Variants in PRKAG2 observed in about 807,000 individuals in gnomAD.
PRKAG2 encodes protein kinase AMP-activated non-catalytic subunit gamma 2, also known as 5'-AMP-activated protein kinase subunit gamma-2.
PRKAG2 carries 26 observed loss-of-function variants against 69.6 expected under a neutral mutation model. That is an observed-to-expected ratio of 0.37 (90% confidence interval 0.27 to 0.52). PRKAG2 has a LOEUF of 0.52. PRKAG2 is among the 20% of genes least tolerant of loss of function. The probability of loss-of-function intolerance (pLI) is 0.90; values close to 1 mark genes in which losing one functional copy is unlikely to be tolerated. For synonymous variants in PRKAG2, 293 were observed against 285.0 expected (o/e 1.03, Z -0.28); for missense variants, 557 against 740.0 (o/e 0.75, Z 2.87).
Position 151,707,903 on chromosome 7 carries a change from G to C in PRKAG2, c.467-32266C>G, listed in dbSNP as rs1838898136. On this transcript the variant is annotated intron_variant, in intron 3 of 15. Coordinates refer to ENST00000287878, the MANE Select transcript of PRKAG2 (RefSeq NM_016203.4). The stretch of plus-strand genomic sequence containing the variant: ...CCAGCACCGGCCCCAAGGCAGGAAA[G>C]CCCAATAGCGAACATGGTGGACATC... Among the ~76,000 whole-genome samples, 3 of 152,342 alleles carry C rather than the reference G, an allele frequency of 2.0e-5. No homozygotes were observed. In the South Asian group the frequency reaches 6.2e-4, roughly 32 times the overall value.
At chr7:151,784,056 C>T (rs7782702) in intron 2 of PRKAG2, among the ~76,000 whole-genome samples, 23,295 of 151,632 alleles carry the variant, frequency 0.15, 5,031 homozygotes, top group African/African-American at 0.49. Context: ...CACAAGGTGA[C>T]ATAAGCTGGT....
Position 151,556,334 on chromosome 7 carries a change from ACAT to A in PRKAG2, c.*864_*866del, listed in dbSNP as rs1229035462. 2 of 152,594 alleles carry A rather than the reference ACAT, an allele frequency of 1.3e-5. No individual in the cohort carries two copies. Among genetic ancestry groups the A allele is most frequent in the African/African-American group, 2.4e-5 (1 of 41,446 alleles). The allele number at this position is 152,594 out of a possible 1,614,324, so 9.5% of individuals were successfully genotyped here. ...ACAATCGCATCAGCAGTCATAACAA[ACAT>A]CATGATTTTACATTTCAATACACAA... On this transcript the variant is annotated 3_prime_UTR_variant, in exon 16 of 16. Transcript: ENST00000287878.
chr7:151,824,989 G>A (rs1302027666), intron 1 of PRKAG2, among the ~76,000 whole-genome samples: 1 of 152,180 alleles, frequency 6.6e-6, no homozygotes, highest in Non-Finnish European at 1.5e-5. Context: ...TGAGGCGGGC[G>A]GATCACGAGG....
At chr7:151,625,273 T>C (rs963806108) in intron 5 of PRKAG2, among the ~76,000 whole-genome samples, 1 of 151,982 alleles carries the variant, frequency 6.6e-6, no homozygotes, top group Non-Finnish European at 1.5e-5. Context: ...GAGGAAGGAA[T>C]GATTCAAGGA....
intron 5 of PRKAG2, among the ~76,000 whole-genome samples, chr7:151,612,767 T>C (rs1217462259): frequency 6.6e-6 from 1 of 152,206 alleles, no homozygotes; most frequent in East Asian, 1.9e-4. Context: ...CACAGGTGCA[T>C]GGGGAACCCC....
intron 4 of PRKAG2, among the ~76,000 whole-genome samples, chr7:151,640,823 C>G (rs370813672): frequency 6.6e-6 from 1 of 152,286 alleles, no homozygotes; most frequent in South Asian, 2.1e-4. Context: ...CTGAAGGGAA[C>G]GAATGACTCA....
intron 4 of PRKAG2, among the ~76,000 whole-genome samples, chr7:151,642,047 A>T (rs1273596035): frequency 8.0e-5 from 12 of 150,418 alleles, no homozygotes; most frequent in African/African-American, 2.7e-4. Context: ...AAAAAAAAAA[A>T]AAAAGGGGCC....
intron 1 of PRKAG2, among the ~76,000 whole-genome samples, chr7:151,839,155 C>G (rs1181551620): frequency 6.6e-6 from 1 of 152,214 alleles, no homozygotes. Context: ...CTCAGCCCCA[C>G]CCCAACCAGG....
chr7:151,741,388 C>G (rs999703251), intron 3 of PRKAG2, among the ~76,000 whole-genome samples: 1 of 151,442 alleles, frequency 6.6e-6, no homozygotes, highest in Non-Finnish European at 1.5e-5. Flanking sequence ...ACAGAAAGAA[C>G]ATTTCAAGGC....
intron 6 of PRKAG2, among the ~76,000 whole-genome samples, chr7:151,576,860 C>T (rs191551402): frequency 1.1e-4 from 16 of 152,140 alleles, no homozygotes; most frequent in South Asian, 6.2e-4. Flanking sequence ...TAATAAGTTT[C>T]GTAAGTTTGA....
intron 3 of PRKAG2, among the ~76,000 whole-genome samples, chr7:151,731,485 G>A (rs568323780): frequency 1.4e-4 from 22 of 152,270 alleles, no homozygotes; most frequent in African/African-American, 4.6e-4. Context: ...GATTCCGGGG[G>A]CTGCAGGGCC....
Position 151,777,982 on chromosome 7 carries a change from A to G in PRKAG2, c.466+3170T>C, listed in dbSNP as rs2076471310. ...AACTTCCCCAGTTGCTCCTGTAGAT[A>G]GTATCACTATTTAACACCTAAGATT... is the stretch of plus-strand genomic sequence containing the variant. On this transcript the variant is annotated intron_variant, in intron 3 of 15. Transcript: ENST00000287878. This position sits in a 1 kb window ranked among gnomAD's most constrained non-coding sequence, Gnocchi z 4.3. 6.6e-6 allele frequency among the ~76,000 whole-genome samples: 1 copy of G among 152,128 alleles called. No homozygotes were observed. The highest frequency in any genetic ancestry group is 1.5e-5 in the Non-Finnish European group (1 of 68,026).
Position 151,632,540 on chromosome 7 carries a change from C to A in PRKAG2, c.685-402G>T. The stretch of plus-strand genomic sequence containing the variant: ...CCGCCATTGGGAGAGGCCCGCGGCC[C>A]GCCCCCACTCCGCCCCCCGGCGCCG... On this transcript the variant is annotated intron_variant, in intron 4 of 15. Coordinates refer to ENST00000287878, the MANE Select transcript of PRKAG2 (RefSeq NM_016203.4). This position sits in a 1 kb window ranked among gnomAD's most constrained non-coding sequence, Gnocchi z 4.2. 1 of 981,142 alleles carries A rather than the reference C, an allele frequency of 1.0e-6. No homozygotes were observed. Among genetic ancestry groups the A allele is most frequent in the Non-Finnish European group, 1.2e-6 (1 of 826,578 alleles). 60.8% of individuals were successfully genotyped at this position (981,142 alleles called of 1,614,324 possible).
rs878876453 is a variant in PRKAG2, at chr7:151,851,358, A to G, written c.114+25149T>C. Among the ~76,000 whole-genome samples, 76 of 152,092 alleles carry G rather than the reference A, an allele frequency of 5.0e-4. 1 individual carries two copies. The South Asian group carries it at 0.015, about 31-fold the overall frequency. On this transcript the variant is annotated intron_variant, in intron 1 of 15. Transcript: ENST00000287878. ...GCCTCTGGCAAAAAAAAAAAAGAAA[A>G]AAAAAAATCACTTCTGCTTTTGCCA... is the stretch of plus-strand genomic sequence containing the variant.
intron 3 of PRKAG2, among the ~76,000 whole-genome samples, chr7:151,690,662 A>G (rs190970087): frequency 6.6e-6 from 1 of 152,298 alleles, no homozygotes; most frequent in East Asian, 1.9e-4. Flanking sequence ...ATGAAAAATG[A>G]TATCTGAATA....
chr7:151,643,469 T>C (rs1585447462), intron 4 of PRKAG2, among the ~76,000 whole-genome samples: 1 of 152,314 alleles, frequency 6.6e-6, no homozygotes, highest in African/African-American at 2.4e-5. Flanking sequence ...TTAAATCCCA[T>C]ATTGGGTGGA....
chr7:151,601,828 G>T (rs1816156089), intron 5 of PRKAG2, among the ~76,000 whole-genome samples: 1 of 152,212 alleles, frequency 6.6e-6, no homozygotes, highest in African/African-American at 2.4e-5. Flanking sequence ...CACAACCCTT[G>T]TCCTTACAGA....
intron 3 of PRKAG2, among the ~76,000 whole-genome samples, chr7:151,768,664 G>T (rs1235365590): frequency 6.6e-6 from 1 of 152,098 alleles, no homozygotes. Context: ...ACAGGGTTTC[G>T]CCATGTTGGC....
In PRKAG2 at chr7:151,719,716, A is replaced by C. The variant is rs1796733151; in HGVS notation, c.467-44079T>G. 6.6e-6 allele frequency among the ~76,000 whole-genome samples: 1 copy of C among 151,682 alleles called. No individual in the cohort carries two copies. Among genetic ancestry groups the C allele is most frequent in the Admixed American group, 6.6e-5 (1 of 15,258 alleles). ...CCACTGTCTTGCGATGGGCACTGTCACTCCCACCTGGCTTCCCAGAGCCTA... is the reference window on the plus strand; with the variant it reads ...CCACTGTCTTGCGATGGGCACTGTCCCTCCCACCTGGCTTCCCAGAGCCTA... On this transcript the variant is annotated intron_variant, in intron 3 of 15. Transcript: ENST00000287878. This position sits in a 1 kb window ranked among gnomAD's most constrained non-coding sequence, Gnocchi z 5.2.
Sources: gnomAD v4.1 joint callset for allele counts (sites outside exome capture counted in the v4.1 genomes callset) on GRCh38, gnomAD v4.1.1 for gene constraint, Gnocchi (gnomAD v3.1) non-coding constraint, MANE v1.5 for transcripts, NCBI Gene and HGNC (gene_info 2026-07-23, HGNC 2026-07-21) for gene names.